Variants in PTPN4 observed in about 807,000 individuals in gnomAD.
The protein encoded by PTPN4 is protein tyrosine phosphatase non-receptor type 4, also known as tyrosine-protein phosphatase non-receptor type 4.
PTPN4 carries 49 observed loss-of-function variants against 135.5 expected under a neutral mutation model. The ratio of observed to expected loss-of-function variants is 0.36; its 90% CI spans 0.29 to 0.46. The LOEUF is 0.46. Ranked by LOEUF, PTPN4 falls within the 20% of genes least tolerant of loss-of-function variation. PTPN4 has a pLI of 1.00. For missense variants in PTPN4, 860 were observed against 1,101.0 expected (o/e 0.78, Z 3.10); for synonymous variants, 333 against 369.9 (o/e 0.90, Z 1.14).
At chr2:119,844,360 C>G (rs1198564442) in intron 2 of PTPN4, among the ~76,000 whole-genome samples, 26 of 135,344 alleles carry the variant, frequency 1.9e-4, no homozygotes, top group Non-Finnish European at 3.9e-4. Flanking sequence ...CCCCCCCCCC[C>G]CACCTCCCTC....
At chr2:119,860,902 G>A (rs574493287) in intron 2 of PTPN4, among the ~76,000 whole-genome samples, 3 of 152,138 alleles carry the variant, frequency 2.0e-5, no homozygotes, top group East Asian at 3.9e-4. Flanking sequence ...TTAGCTGGGC[G>A]TGGTGGCATG....
At chr2:119,874,969 A>T (rs1677964513) in intron 3 of PTPN4, among the ~76,000 whole-genome samples, 1 of 152,150 alleles carries the variant, frequency 6.6e-6, no homozygotes, top group Non-Finnish European at 1.5e-5. Flanking sequence ...ACTGTTGAAA[A>T]ATAATAACCC....
At chr2:119,905,965 AAG>A (rs1332481280) in intron 10 of PTPN4, among the ~76,000 whole-genome samples, 2 of 152,166 alleles carry the variant, frequency 1.3e-5, no homozygotes, top group African/African-American at 4.8e-5. Context: ...TAGCATTGCT[AAG>A]AGAGCTATTT....
rs191500800 is a variant in PTPN4 at position 119,887,545 on chromosome 2, A to G, written c.675+1663A>G. On this transcript the variant is annotated intron_variant, in intron 9 of 26. Coordinates refer to ENST00000263708, the MANE Select transcript of PTPN4 (RefSeq NM_002830.4). ...TTTAGTCTTTCATTGTCTTGAGTTG[A>G]TTTTTGTATATGGTAAGAGCTAGAT... Among the ~76,000 whole-genome samples, 522 of 152,136 alleles carry G rather than the reference A, an allele frequency of 3.4e-3. 8 individuals are homozygous for G. The highest frequency in any genetic ancestry group is 0.012 in the African/African-American group (490 of 41,498).
chr2:119,849,151 A>G (rs1384192614), intron 2 of PTPN4, among the ~76,000 whole-genome samples: 2 of 152,066 alleles, frequency 1.3e-5, no homozygotes, highest in African/African-American at 4.8e-5. Flanking sequence ...CTGTGGATAT[A>G]TTTATAATGA....
At chr2:119,893,796 C>T (rs1322451478) in intron 9 of PTPN4, among the ~76,000 whole-genome samples, 3 of 151,404 alleles carry the variant, frequency 2.0e-5, no homozygotes, top group African/African-American at 7.3e-5. Flanking sequence ...GCTGTTAGGT[C>T]AAATAAAATG....
chr2:119,773,745 A>AAC (rs1690778068), intron 1 of PTPN4, among the ~76,000 whole-genome samples: 1 of 151,856 alleles, frequency 6.6e-6, no homozygotes, highest in Non-Finnish European at 1.5e-5. Flanking sequence ...CAAAAAAAAA[A>AAC]AAAAAAACTA....
intron 12 of PTPN4, among the ~76,000 whole-genome samples, chr2:119,926,376 G>A (rs1228195452): frequency 1.3e-5 from 2 of 152,162 alleles, no homozygotes; most frequent in African/African-American, 4.8e-5. Flanking sequence ...TGGACATGGA[G>A]GGAGTTGAAC....
Position 119,877,464 on chromosome 2 carries a change from G to A in PTPN4, c.290G>A (p.Arg97Lys), listed in dbSNP as rs769011640. The change falls in exon 5 of 27, where the codon AGA becomes AAA. Residue 97 changes from arginine (R) to lysine (K), a missense_variant and splice_region_variant. Arg to Lys is a conservative substitution (Grantham distance 26, BLOSUM62 2). Around this residue, in one of 2 missense-constraint regions of PTPN4, gnomAD observed 684 missense variants for 807.0 expected, o/e 0.85. Transcript: ENST00000263708. ...TTAGAACTACTTTTATTAATTCTAGGAGGATCTCCTTACAGTTTGAACTTT... is the reference window on the plus strand; with the variant it reads ...TTAGAACTACTTTTATTAATTCTAGAAGGATCTCCTTACAGTTTGAACTTT... Reference protein sequence around the residue: ...PNKPIRKQLKRGSPYSLNFRV... With the variant: ...PNKPIRKQLKKGSPYSLNFRV... 1.9e-6 allele frequency: 3 copies of A among 1,609,042 alleles called. No homozygotes were observed. Among genetic ancestry groups the A allele is most frequent in the South Asian group, 1.1e-5 (1 of 89,420 alleles).
intron 11 of PTPN4, chr2:119,916,001 G>A (rs1678647697): frequency 6.6e-6 from 1 of 151,238 alleles, no homozygotes; most frequent in Non-Finnish European, 1.5e-5. Context: ...GACCAGCCTT[G>A]GCCACATAGT....
intron 10 of PTPN4, among the ~76,000 whole-genome samples, chr2:119,909,717 A>C (rs1482063657): frequency 6.6e-6 from 1 of 152,224 alleles, no homozygotes; most frequent in East Asian, 1.9e-4. Context: ...TCTAGATGCC[A>C]TTGAGAACAT....
intron 1 of PTPN4, among the ~76,000 whole-genome samples, chr2:119,798,958 GTTA>G (rs1226049635): frequency 2.6e-5 from 4 of 152,156 alleles, no homozygotes; most frequent in African/African-American, 9.7e-5. Flanking sequence ...TTGATATATC[GTTA>G]TGATTGCTTT....
intron 15 of PTPN4, among the ~76,000 whole-genome samples, chr2:119,939,851 T>C (rs1679036842): frequency 6.6e-6 from 1 of 152,180 alleles, no homozygotes; most frequent in African/African-American, 2.4e-5. Context: ...ACTCTTCAAA[T>C]ACTAGGCTAT....
At chr2:119,801,125 A>G (rs967611228) in intron 1 of PTPN4, among the ~76,000 whole-genome samples, 3 of 152,118 alleles carry the variant, frequency 2.0e-5, no homozygotes, top group Admixed American at 6.5e-5. Flanking sequence ...GCCTCGCTCT[A>G]TCACCCAAGC....
chr2:119,946,908 GA>G (rs1679142806), intron 18 of PTPN4, among the ~76,000 whole-genome samples: 3 of 151,988 alleles, frequency 2.0e-5, no homozygotes. Flanking sequence ...TTTTTTATTA[GA>G]GTAATTTAAG....
At chr2:119,849,280 C>T (rs759214055) in intron 2 of PTPN4, among the ~76,000 whole-genome samples, 27 of 152,004 alleles carry the variant, frequency 1.8e-4, no homozygotes, top group Non-Finnish European at 2.9e-4. Flanking sequence ...GTTATGTTTT[C>T]GTTTAAACTT....
rs1679660399 is a variant in PTPN4 at position 119,979,335 on chromosome 2, G to A, written c.*2265G>A. ...TTTAGGGCCTTGTTTATACTTGTGA[G>A]TTTAATAATTTCTTGGCAATGAGCA... On this transcript the variant is annotated 3_prime_UTR_variant, in exon 27 of 27. Coordinates refer to ENST00000263708, the MANE Select transcript of PTPN4 (RefSeq NM_002830.4). 1 of 152,080 alleles carries A rather than the reference G, an allele frequency of 6.6e-6. No homozygotes were observed. Among genetic ancestry groups the A allele is most frequent in the Non-Finnish European group, 1.5e-5 (1 of 67,956 alleles). 9.4% of individuals were successfully genotyped at this position (152,080 alleles called of 1,614,324 possible).
At chr2:119,953,793 C>G (rs1449331102) in intron 19 of PTPN4, among the ~76,000 whole-genome samples, 1 of 151,952 alleles carries the variant, frequency 6.6e-6, no homozygotes, top group African/African-American at 2.4e-5. Context: ...ACTTTGACAC[C>G]AAGACATTCA....
chr2:119,777,247 A>G (rs964694765), intron 1 of PTPN4, among the ~76,000 whole-genome samples: 2 of 152,144 alleles, frequency 1.3e-5, no homozygotes, highest in African/African-American at 4.8e-5. Context: ...CAAGTGTTCC[A>G]GGCAGATGGA....
Sources: gnomAD v4.1 joint callset for allele counts (sites outside exome capture counted in the v4.1 genomes callset) on GRCh38, gnomAD v4.1.1 for gene constraint, gnomAD v4.1.1 regional missense constraint, MANE v1.5 for transcripts, NCBI Gene and HGNC (gene_info 2026-07-23, HGNC 2026-07-21) for gene names.